Variants in ST14 observed in about 807,000 individuals in gnomAD.
ST14 encodes suppressor of tumorigenicity 14 protein.
A neutral mutation model predicts 96.5 loss-of-function variants in ST14; 40 were observed. The observed-to-expected ratio is 0.41, with a 90% CI of 0.32 to 0.54. The LOEUF (loss-of-function observed/expected upper bound fraction) is 0.54. Among genes scored for constraint, ST14 ranks in the 20% least tolerant of loss-of-function variants. ST14 has a pLI of 0.17. For synonymous variants in ST14, 506 were observed against 492.1 expected (o/e 1.03, Z -0.37); for missense variants, 1,066 against 1,188.9 (o/e 0.90, Z 1.52).
Position 130,181,304 on chromosome 11 carries a change from C to T in ST14, c.82-6810C>T, listed in dbSNP as rs1040798485. On this transcript the variant is annotated intron_variant, in intron 1 of 18. Coordinates refer to ENST00000278742, the MANE Select transcript of ST14 (RefSeq NM_021978.4). This position sits in a 1 kb window ranked among gnomAD's most constrained non-coding sequence, Gnocchi z 4.1. ...CCTGAGCCCTTTATCCCCAACCTCC[C>T]GCCTGGAAGTCATTCCTCGTTCCCT... is the stretch of plus-strand genomic sequence containing the variant. Among the ~76,000 whole-genome samples the T allele has an allele frequency of 1.2e-4, 19 of 152,102 alleles. No individual in the cohort carries two copies. Among genetic ancestry groups the T allele is most frequent in the African/African-American group, 4.1e-4 (17 of 41,414 alleles).
Position 130,190,705 on chromosome 11 carries a change from CG to C in ST14, c.875+17del, listed in dbSNP as rs1205274496. The C allele has an allele frequency of 1.3e-6, 2 of 1,563,082 alleles. No homozygotes were observed. The highest frequency in any genetic ancestry group is 1.4e-5 in the African/African-American group (1 of 73,650). On this transcript the variant is annotated intron_variant, in intron 7 of 18. Coordinates refer to ENST00000278742, the MANE Select transcript of ST14 (RefSeq NM_021978.4). ...CCACGCCCTGGTGCAGTGAGTACCC[CG>C]GGGGGCGGGTAGGGCTGTGGGAGCT...
At chr11:130,194,538 C>T (rs566903572) in intron 8 of ST14, 102 bp from the exon 9 acceptor site, 33 of 1,272,938 alleles carry the variant, frequency 2.6e-5, no homozygotes, top group Admixed American at 1.9e-4. Flanking sequence ...AGCATCCACG[C>T]GTCCAGGAGG....
At chr11:130,205,021 C>T (rs568184945) in intron 16 of ST14, among the ~76,000 whole-genome samples, 13 of 152,166 alleles carry the variant, frequency 8.5e-5, no homozygotes, top group South Asian at 4.1e-4. Context: ...TCTCTTGTCA[C>T]GCACATTTTC....
At chr11:130,197,340 T>C (rs1953377494) in intron 11 of ST14, among the ~76,000 whole-genome samples, 2 of 152,268 alleles carry the variant, frequency 1.3e-5, no homozygotes, top group Admixed American at 6.5e-5. Flanking sequence ...AGCTTTGTCA[T>C]CTGCAAAGTG....
chr11:130,176,267 C>A (rs1194361678), intron 1 of ST14, among the ~76,000 whole-genome samples: 1 of 152,072 alleles, frequency 6.6e-6, no homozygotes, highest in Admixed American at 6.5e-5. Flanking sequence ...GCTGTATATA[C>A]CCACCCCAAG....
rs200197652 is a variant in ST14, at chr11:130,208,704, A to C, written c.2269+20A>C. The C allele has an allele frequency of 6.2e-7, 1 of 1,606,612 alleles. No homozygotes were observed. The highest frequency in any genetic ancestry group is 8.5e-7 in the Non-Finnish European group (1 of 1,175,542). On this transcript the variant is annotated intron_variant, in intron 17 of 18. Coordinates refer to ENST00000278742, the MANE Select transcript of ST14 (RefSeq NM_021978.4). The stretch of plus-strand genomic sequence containing the variant: ...ATGGAGGTAAGCTTCGGGCTGACCT[A>C]GGGCTCCGCAGAGGGCCTGGGGCCT...
chr11:130,174,676 C>T (rs1048115933), intron 1 of ST14, among the ~76,000 whole-genome samples: 6 of 152,092 alleles, frequency 3.9e-5, no homozygotes, highest in Admixed American at 6.5e-5. Context: ...TGCAAACAAA[C>T]AGACAAGCAT....
At chr11:130,169,397 T>C (rs1953069706) in intron 1 of ST14, among the ~76,000 whole-genome samples, 1 of 152,120 alleles carries the variant, frequency 6.6e-6, no homozygotes, top group Admixed American at 6.6e-5. Context: ...GCCTGGCCTA[T>C]ATAACATAAT....
At chr11:130,161,007 C>A (rs1275291148) in intron 1 of ST14, among the ~76,000 whole-genome samples, 1 of 152,166 alleles carries the variant, frequency 6.6e-6, no homozygotes, top group Non-Finnish European at 1.5e-5. Context: ...TCACTTTCTC[C>A]CCTCCTTCCG....
At chr11:130,177,287 G>A (rs1270463135) in intron 1 of ST14, among the ~76,000 whole-genome samples, 3 of 151,940 alleles carry the variant, frequency 2.0e-5, no homozygotes, top group East Asian at 3.9e-4. Context: ...TTTTTAGGCC[G>A]GGCGCGGTGG....
intron 16 of ST14, among the ~76,000 whole-genome samples, chr11:130,206,869 G>A (rs1953495673): frequency 6.6e-6 from 1 of 152,046 alleles, no homozygotes; most frequent in South Asian, 2.1e-4. Context: ...TGCCCGGCCA[G>A]GGGCTGCTTT....
chr11:130,196,749 G>A (rs774941230), intron 11 of ST14, 49 bp downstream of exon 11: 1 of 1,613,624 alleles, frequency 6.2e-7, no homozygotes, highest in Non-Finnish European at 8.5e-7. Context: ...TGCACCGCAT[G>A]TTCTGTCTAC....
At chr11:130,177,807 C>A (rs538013002) in intron 1 of ST14, among the ~76,000 whole-genome samples, 1 of 152,346 alleles carries the variant, frequency 6.6e-6, no homozygotes, top group Admixed American at 6.5e-5. Context: ...TTTTTTCAAA[C>A]GGCTTGATTT....
chr11:130,196,240 C>T, intron 9 of ST14, 99 bp from the exon 10 acceptor site: 2 of 874,504 alleles, frequency 2.3e-6, no homozygotes, highest in Non-Finnish European at 1.9e-6. Flanking sequence ...GAAGGCATAC[C>T]ATCTCTCCCT....
Position 130,188,304 on chromosome 11 carries a change from G to A in ST14, c.241+31G>A. On this transcript the variant is annotated intron_variant, in intron 2 of 18. Transcript: ENST00000278742. This position sits in a 1 kb window ranked among gnomAD's most constrained non-coding sequence, Gnocchi z 5.4. Reference sequence around the variant, plus strand: ...TAAAGCTGGGGCTGGCTCCGGGGAGGACGACAAGGGGTGGCTGTCCCTCTT... The same window carrying A: ...TAAAGCTGGGGCTGGCTCCGGGGAGAACGACAAGGGGTGGCTGTCCCTCTT... 1 of 1,603,474 alleles carries A rather than the reference G, an allele frequency of 6.2e-7. No homozygotes were observed. Among genetic ancestry groups the A allele is most frequent in the Non-Finnish European group, 8.5e-7 (1 of 1,173,824 alleles).
Position 130,202,711 on chromosome 11 carries a change from G to A in ST14, c.1994+2574G>A, listed in dbSNP as rs573973863. ...GGGCACTGCCGGGAGGCGGCATCAC[G>A]TTGCGGTTAAATGCACAGGCTGCCT... On this transcript the variant is annotated intron_variant, in intron 16 of 18. Transcript: ENST00000278742. Among the ~76,000 whole-genome samples the A allele has an allele frequency of 3.9e-5, 6 of 152,332 alleles. No individual in the cohort carries two copies. The South Asian group carries it at 8.3e-4, about 21-fold the overall frequency.
At chr11:130,171,537 C>T (rs915746558) in intron 1 of ST14, among the ~76,000 whole-genome samples, 1 of 152,314 alleles carries the variant, frequency 6.6e-6, no homozygotes, top group African/African-American at 2.4e-5. Flanking sequence ...AGAGCATGAT[C>T]TCTCTGGGCT....
intron 16 of ST14, among the ~76,000 whole-genome samples, chr11:130,205,900 C>T (rs1175304457): frequency 8.6e-5 from 13 of 151,630 alleles, no homozygotes; most frequent in African/African-American, 2.4e-4. Flanking sequence ...GGTTTCACCA[C>T]GTTGGCCAGG....
intron 1 of ST14, among the ~76,000 whole-genome samples, chr11:130,178,603 G>A (rs913099547): frequency 3.1e-4 from 47 of 152,272 alleles, no homozygotes; most frequent in African/African-American, 1.1e-3. Context: ...GTCAGGTCCT[G>A]GGGGACTTTC....
Sources: allele counts gnomAD v4.1 joint callset (sites outside exome capture counted in the v4.1 genomes callset), GRCh38; gene constraint gnomAD v4.1.1; non-coding constraint Gnocchi (gnomAD v3.1); transcripts MANE v1.5; gene names NCBI Gene and HGNC (gene_info 2026-07-23, HGNC 2026-07-21).